The following VPS13B variants were observed in gnomAD, a reference collection of about 807,000 sequenced individuals.
The protein encoded by VPS13B is intermembrane lipid transfer protein VPS13B.
VPS13B carries 285 observed loss-of-function variants against 426.4 expected under a neutral mutation model. That is an observed-to-expected ratio of 0.67 (90% confidence interval 0.61 to 0.74). VPS13B has a LOEUF of 0.74. Among genes scored for constraint, VPS13B ranks in the 30% least tolerant of loss-of-function variants. The pLI is 0.00. For missense variants in VPS13B, 4,537 were observed against 4,782.6 expected, an observed-to-expected ratio of 0.95 and a Z score of 1.51; for synonymous variants, 1,676 against 1,676.4, an observed-to-expected ratio of 1.00 and a Z score of 0.01.
chr8:99,690,719 T>G (rs1831618866), intron 35 of VPS13B, among the ~76,000 whole-genome samples: 2 of 152,090 alleles, frequency 1.3e-5, no homozygotes, highest in South Asian at 4.2e-4. Context: ...GAATAGATAT[T>G]TCTCCAAGAA....
intron 21 of VPS13B, among the ~76,000 whole-genome samples, chr8:99,398,698 C>T (rs780904787): frequency 1.3e-5 from 2 of 151,994 alleles, no homozygotes; most frequent in East Asian, 1.9e-4. Flanking sequence ...TGAGACTTAA[C>T]GATCAGGAAA....
chr8:99,844,250 A>G (rs1003536493), intron 54 of VPS13B, among the ~76,000 whole-genome samples: 14 of 152,294 alleles, frequency 9.2e-5, no homozygotes, highest in Admixed American at 6.5e-4. Flanking sequence ...AGGAAGTCCA[A>G]CATCAGGGTA....
chr8:99,282,828 T>G (rs1390821236), intron 19 of VPS13B, among the ~76,000 whole-genome samples: 1 of 152,178 alleles, frequency 6.6e-6, no homozygotes, highest in African/African-American at 2.4e-5. Context: ...TGTTTCAGAA[T>G]TAAGTAGTAT....
chr8:99,314,008 C>A (rs1821169522), intron 19 of VPS13B, among the ~76,000 whole-genome samples: 1 of 152,266 alleles, frequency 6.6e-6, no homozygotes, highest in Admixed American at 6.5e-5. Context: ...TTTGCTAAGA[C>A]CGTTGGAAAA....
chr8:99,201,027 T>A (rs1423255271), intron 17 of VPS13B, among the ~76,000 whole-genome samples: 1 of 152,108 alleles, frequency 6.6e-6, no homozygotes, highest in Non-Finnish European at 1.5e-5. Flanking sequence ...CACAGAATCC[T>A]TCTTGGTCTT....
intron 39 of VPS13B, among the ~76,000 whole-genome samples, chr8:99,740,436 A>T (rs1319917829): frequency 6.6e-6 from 1 of 152,230 alleles, no homozygotes; most frequent in Non-Finnish European, 1.5e-5. Flanking sequence ...CAATCTAGCA[A>T]GGCAGGCCAA....
At chr8:99,662,691 G>T (rs3099853) in intron 35 of VPS13B, among the ~76,000 whole-genome samples, 5 of 151,808 alleles carry the variant, frequency 3.3e-5, no homozygotes, top group African/African-American at 1.2e-4. Context: ...CAAGCAATCC[G>T]CCTGCCTCAG....
At chr8:99,692,341 ATC>A (rs1390277865) in intron 35 of VPS13B, among the ~76,000 whole-genome samples, 63 of 138,012 alleles carry the variant, frequency 4.6e-4, no homozygotes, top group African/African-American at 1.6e-3. Context: ...ATAACAAACT[ATC>A]TCTCAGACCA....
intron 34 of VPS13B, among the ~76,000 whole-genome samples, chr8:99,653,427 G>A (rs1187739049): frequency 1.3e-5 from 2 of 150,954 alleles, no homozygotes; most frequent in African/African-American, 4.9e-5. Context: ...GAGGTTTACA[G>A]TTGGGATTAA....
Position 99,642,080 on chromosome 8 carries a change from C to G in VPS13B, c.5490C>G (p.Ala1830=), listed in dbSNP as rs1829392538. ...RISLMTYSCM[A]LSKSKSQEQK... is the part of the protein sequence containing the mutation. ...CACTAATGACCTATTCCTGTATGGC[C>G]TTATCCAAATCGAAATCACAAGAAC... is the stretch of plus-strand genomic sequence containing the variant. Residue 1830 remains alanine (A), a synonymous_variant, in exon 34 of 62, where the codon GCC becomes GCG. Coordinates refer to ENST00000357162, the MANE Select transcript of VPS13B (RefSeq NM_152564.5). 3 of 1,614,054 alleles carry G rather than the reference C, an allele frequency of 1.9e-6. No homozygotes were observed. Among genetic ancestry groups the G allele is most frequent in the Non-Finnish European group, 2.5e-6 (3 of 1,179,994 alleles).
chr8:99,642,170 T>TA lies in VPS13B; in HGVS notation c.5582dup (p.Pro1862AlafsTer33), dbSNP rs1373678357. The TA allele has an allele frequency of 6.2e-7, 1 of 1,614,188 alleles. No individual in the cohort carries two copies. ...TCCCAGAAGTTGATTCAGATGTTGCTAAGCCCAACCAGGCATGTATTTCCA... is the reference window on the plus strand; with the variant it reads ...TCCCAGAAGTTGATTCAGATGTTGCTAAAGCCCAACCAGGCATGTATTTCCA... On this transcript the variant is annotated frameshift_variant, in exon 34 of 62. Transcript: ENST00000357162. LOFTEE classifies it high-confidence loss of function.
At chr8:99,019,061 C>CAT (rs1041874173) in intron 2 of VPS13B, among the ~76,000 whole-genome samples, 241 of 151,262 alleles carry the variant, frequency 1.6e-3, no homozygotes, top group African/African-American at 5.3e-3. Context: ...TTTTGAATGT[C>CAT]ATATATATAT....
At chr8:99,286,124 G>A (rs1321306751) in intron 19 of VPS13B, among the ~76,000 whole-genome samples, 3 of 151,998 alleles carry the variant, frequency 2.0e-5, no homozygotes, top group Admixed American at 6.6e-5. Flanking sequence ...CTATTTATAG[G>A]ATTCCTTCCC....
chr8:99,599,405 T>G (rs993578007), intron 33 of VPS13B, among the ~76,000 whole-genome samples: 5 of 152,104 alleles, frequency 3.3e-5, no homozygotes, highest in Non-Finnish European at 5.9e-5. Context: ...TACCATGTAC[T>G]TGTGACACAC....
chr8:99,476,730 A>G (rs1778232999), intron 24 of VPS13B, among the ~76,000 whole-genome samples: 2 of 152,202 alleles, frequency 1.3e-5, no homozygotes, highest in Admixed American at 1.3e-4. Context: ...TAATTAAGCA[A>G]AAATAACTTT....
At position 99,766,807 on chromosome 8, in the gene VPS13B, C is replaced by A. The variant is rs1254124411; in HGVS notation, c.7084C>A (p.Gln2362Lys). The A allele has an allele frequency of 1.2e-6, 2 of 1,613,772 alleles. No homozygotes were observed. The highest frequency in any genetic ancestry group is 3.3e-5 in the Admixed American group (2 of 59,998). The change falls in exon 40 of 62, where the codon CAG becomes AAG. Residue 2362 changes from glutamine to lysine, a missense_variant. This residue lies in a region of VPS13B where 4,311 missense variants were observed against 4,474.3 expected (regional missense o/e 0.96). Coordinates refer to ENST00000357162, the MANE Select transcript of VPS13B (RefSeq NM_152564.5). Reference sequence around the variant, plus strand: ...TAGCTTGGAATACTGGGATGAACTCCAGAAGGTTTTTGTTGCATTTAGAGA... The same window carrying A: ...TAGCTTGGAATACTGGGATGAACTCAAGAAGGTTTTTGTTGCATTTAGAGA... Reference protein sequence around the residue: ...PCSLEYWDELQKVFVAFREFN... With the variant: ...PCSLEYWDELKKVFVAFREFN...
intron 34 of VPS13B, among the ~76,000 whole-genome samples, chr8:99,648,321 C>T (rs1438815483): frequency 6.6e-6 from 1 of 152,122 alleles, no homozygotes; most frequent in Admixed American, 6.6e-5. Context: ...GAAACACTTA[C>T]ATTAATTAAA....
intron 3 of VPS13B, among the ~76,000 whole-genome samples, chr8:99,057,869 G>GT (rs1324589453): frequency 1.3e-5 from 2 of 152,082 alleles, no homozygotes; most frequent in African/African-American, 4.8e-5. Flanking sequence ...TCTCTTGAGT[G>GT]TATCTATTAG....
At chr8:99,293,727 G>A (rs1356570334) in intron 19 of VPS13B, among the ~76,000 whole-genome samples, 2 of 151,992 alleles carry the variant, frequency 1.3e-5, no homozygotes, top group Non-Finnish European at 2.9e-5. Flanking sequence ...CAAAAAGCGG[G>A]TGGACATGAA....
Sources: gnomAD v4.1 joint callset for allele counts (sites outside exome capture counted in the v4.1 genomes callset) on GRCh38, gnomAD v4.1.1 for gene constraint, gnomAD v4.1.1 regional missense constraint, MANE v1.5 for transcripts, NCBI Gene and HGNC (gene_info 2026-07-23, HGNC 2026-07-21) for gene names.